The following TNRC6B variants were observed in gnomAD, a reference collection of about 807,000 sequenced individuals.
TNRC6B encodes the protein trinucleotide repeat containing adaptor 6B, also known as trinucleotide repeat-containing gene 6B protein.
In TNRC6B, 52 loss-of-function variants were observed where a neutral mutation model predicts 203.6. That is an observed-to-expected ratio of 0.26 (90% confidence interval 0.20 to 0.32). The LOEUF (loss-of-function observed/expected upper bound fraction) is 0.32, where lower values mean the gene tolerates loss of function less well. Ranked by LOEUF, TNRC6B falls within the 10% of genes least tolerant of loss-of-function variation. TNRC6B has a pLI of 1.00. For synonymous variants in TNRC6B, 838 were observed against 845.7 expected (o/e 0.99, Z 0.16); for missense variants, 1,923 against 2,286.2 (o/e 0.84, Z 3.24).
intron 1 of TNRC6B, among the ~76,000 whole-genome samples, chr22:40,070,820 T>C (rs2067940248): frequency 6.6e-6 from 1 of 152,160 alleles, no homozygotes; most frequent in Non-Finnish European, 1.5e-5. Context: ...TACCATATGT[T>C]ATACAATGCC....
chr22:40,149,753 G>A (rs531974817), intron 3 of TNRC6B, among the ~76,000 whole-genome samples: 5 of 149,356 alleles, frequency 3.3e-5, no homozygotes, highest in Non-Finnish European at 7.4e-5. Context: ...TCATTGTCTT[G>A]CTTGTGGTGA....
chr22:40,103,749 T>C (rs2068259509), intron 1 of TNRC6B, among the ~76,000 whole-genome samples: 1 of 152,018 alleles, frequency 6.6e-6, no homozygotes, highest in African/African-American at 2.4e-5. Context: ...TTCAAGCAAT[T>C]CTCCTGTCTC....
At chr22:40,110,465 A>G (rs547274892) in intron 1 of TNRC6B, among the ~76,000 whole-genome samples, 1 of 152,314 alleles carries the variant, frequency 6.6e-6, no homozygotes, top group East Asian at 1.9e-4. Context: ...ATTCCCTACC[A>G]TCCCTGCCTC....
In TNRC6B at chr22:40,265,861, ACCCCCT is replaced by A. The variant is rs2070471073; in HGVS notation, c.1635_1640del (p.Leu546_Pro547del). The A allele has an allele frequency of 6.2e-7, 1 of 1,613,930 alleles. No homozygotes were observed. ...GGAGCATGGGACAATCAAAAGGGCC[ACCCCCT>A]CCCTGAAAACCAAGGCAATGCCCAG... On this transcript the variant is annotated inframe_deletion, in exon 5 of 23. Transcript: ENST00000454349.
rs2071403917 is a variant in TNRC6B, at chr22:40,326,496, G to A, written c.*3255G>A. ...CGATCATGGATTCTTTTGAAATTGT[G>A]TGTAGTTTAATGGGAGAGTGTTTGG... On this transcript the variant is annotated 3_prime_UTR_variant, in exon 23 of 23. Coordinates refer to ENST00000454349, the MANE Select transcript of TNRC6B (RefSeq NM_001162501.2). 6.6e-6 allele frequency: 1 copy of A among 152,606 alleles called. No individual in the cohort carries two copies. Among genetic ancestry groups the A allele is most frequent in the Non-Finnish European group, 1.5e-5 (1 of 68,028 alleles). 9.5% of individuals were successfully genotyped at this position (152,606 alleles called of 1,614,324 possible).
At chr22:40,047,825 T>C (rs1262390972) in intron 1 of TNRC6B, among the ~76,000 whole-genome samples, 2 of 152,276 alleles carry the variant, frequency 1.3e-5, no homozygotes, top group Admixed American at 1.3e-4. Context: ...TTCCAGGGAC[T>C]GTTACTCATT....
chr22:40,189,250 G>A (rs559646244), intron 1 of TNRC6B, among the ~76,000 whole-genome samples: 6 of 152,130 alleles, frequency 3.9e-5, no homozygotes, highest in Admixed American at 6.5e-5. Flanking sequence ...AAATGAATAT[G>A]TGTTTATACT....
chr22:40,173,723 TTA>T (rs1381842714), upstream of TNRC6B, among the ~76,000 whole-genome samples: 2 of 146,870 alleles, frequency 1.4e-5, no homozygotes, highest in Non-Finnish European at 3.0e-5. Flanking sequence ...AGCCTTGCTT[TTA>T]TATTTATTCA....
At chr22:40,315,855 G>A in intron 20 of TNRC6B, 87 bp from the exon 21 acceptor site, 3 of 1,004,468 alleles carry the variant, frequency 3.0e-6, no homozygotes, top group Non-Finnish European at 4.6e-6. Context: ...GAGAAGAAAT[G>A]TGAGCTACAT....
At chr22:40,267,573 T>G (rs2070498683) in intron 5 of TNRC6B, among the ~76,000 whole-genome samples, 2 of 152,288 alleles carry the variant, frequency 1.3e-5, no homozygotes, top group South Asian at 4.1e-4. Flanking sequence ...TATAAGAGAT[T>G]GTTATCTCAG....
At chr22:40,138,197 A>G (rs1323345181) in intron 3 of TNRC6B, among the ~76,000 whole-genome samples, 1 of 152,200 alleles carries the variant, frequency 6.6e-6, no homozygotes, top group Non-Finnish European at 1.5e-5. Context: ...ACAAATCTGC[A>G]AAGAGTGGGT....
chr22:40,074,772 C>T (rs1274063489), intron 1 of TNRC6B, among the ~76,000 whole-genome samples: 1 of 150,174 alleles, frequency 6.7e-6, no homozygotes, highest in Non-Finnish European at 1.5e-5. Context: ...GAGCAAGACT[C>T]CGTCTCCAAA....
In TNRC6B at chr22:40,325,704, T is replaced by C. The variant is rs2071393334; in HGVS notation, c.*2463T>C. The C allele has an allele frequency of 2.0e-5, 3 of 152,816 alleles. No homozygotes were observed. Among genetic ancestry groups the C allele is most frequent in the Admixed American group, 6.5e-5 (1 of 15,312 alleles). 9.5% of individuals were successfully genotyped at this position (152,816 alleles called of 1,614,324 possible). A position where few individuals can be genotyped will look rare whatever the true frequency, so the allele number is the denominator to read the frequency against. ...ACCACCAGGTGAAGAGCAGCTTGTA[T>C]TCAGACATCTAGAGAAGGTTAAATC... On this transcript the variant is annotated 3_prime_UTR_variant, in exon 23 of 23. Transcript: ENST00000454349.
At chr22:40,264,311 A>G (rs914160607) in intron 4 of TNRC6B, among the ~76,000 whole-genome samples, 1 of 152,216 alleles carries the variant, frequency 6.6e-6, no homozygotes, top group African/African-American at 2.4e-5. Context: ...TTCTCCATAC[A>G]GCAGTGATAT....
intron 4 of TNRC6B, among the ~76,000 whole-genome samples, chr22:40,168,101 T>C (rs2146364408): frequency 6.6e-6 from 1 of 152,318 alleles, no homozygotes; most frequent in Middle Eastern, 3.4e-3. Flanking sequence ...AGCATAACCA[T>C]ACAGTTAATA....
In TNRC6B at chr22:40,330,028, A is replaced by G. The variant is rs2071448117; in HGVS notation, c.*6787A>G. On this transcript the variant is annotated 3_prime_UTR_variant, in exon 23 of 23. Transcript: ENST00000454349. The stretch of plus-strand genomic sequence containing the variant: ...AGGGGAAAGATCAGATAAATAGGCA[A>G]GAAGTACTCTGTTTTAAATAAAGAA... 1 of 152,244 alleles carries G rather than the reference A, an allele frequency of 6.6e-6. No homozygotes were observed. Among genetic ancestry groups the G allele is most frequent in the African/African-American group, 2.4e-5 (1 of 41,460 alleles). 9.4% of individuals were successfully genotyped at this position (152,244 alleles called of 1,614,324 possible).
At chr22:40,104,048 C>G (rs1041075212) in intron 1 of TNRC6B, among the ~76,000 whole-genome samples, 1 of 150,378 alleles carries the variant, frequency 6.6e-6, no homozygotes, top group Non-Finnish European at 1.5e-5. Context: ...GTCAGGAGTT[C>G]AAGACCAGCC....
chr22:40,257,935 A>C (rs2070306755), intron 3 of TNRC6B, among the ~76,000 whole-genome samples: 1 of 151,904 alleles, frequency 6.6e-6, no homozygotes, highest in Non-Finnish European at 1.5e-5. Flanking sequence ...AATCACTTGA[A>C]CCTGGAAGGT....
chr22:40,085,674 G>A (rs966339045), intron 1 of TNRC6B, among the ~76,000 whole-genome samples: 2 of 152,004 alleles, frequency 1.3e-5, no homozygotes, highest in Non-Finnish European at 2.9e-5. Context: ...TATAGGAGGT[G>A]GTGTTTACTT....
Sources: gnomAD v4.1 joint callset for allele counts (sites outside exome capture counted in the v4.1 genomes callset) on GRCh38, gnomAD v4.1.1 for gene constraint, MANE v1.5 for transcripts, NCBI Gene and HGNC (gene_info 2026-07-23, HGNC 2026-07-21) for gene names.